TRAPPC9: variants seen among roughly 807,000 people sequenced by gnomAD.
TRAPPC9 encodes the protein IKK2 binding protein.
TRAPPC9 carries 83 observed loss-of-function variants against 124.0 expected under a neutral mutation model. That is an observed-to-expected ratio of 0.67 (90% CI 0.56 to 0.80). The LOEUF (loss-of-function observed/expected upper bound fraction) is 0.80, where lower values mean the gene tolerates loss of function less well. Ranked by LOEUF, TRAPPC9 falls within the 30% of genes least tolerant of loss-of-function variation. The pLI is 0.00. For missense variants in TRAPPC9, 1,302 were observed against 1,508.3 expected (o/e 0.86, Z 2.27); for synonymous variants, 638 against 617.5 (o/e 1.03, Z -0.49).
intron 19 of TRAPPC9, among the ~76,000 whole-genome samples, chr8:139,947,924 C>CGA (rs59675753): frequency 2.0e-3 from 170 of 83,434 alleles, no homozygotes; most frequent in Middle Eastern, 7.8e-3. Context: ...AGAGAGAGAG[C>CGA]GAGAGAGAGA....
chr8:140,402,671 G>A (rs1259942226), intron 6 of TRAPPC9, among the ~76,000 whole-genome samples: 1 of 151,618 alleles, frequency 6.6e-6, no homozygotes, highest in Non-Finnish European at 1.5e-5. Context: ...ACTCCAGCCT[G>A]GGCAACAGAA....
intron 17 of TRAPPC9, among the ~76,000 whole-genome samples, chr8:140,177,891 C>T (rs1475354733): frequency 2.0e-5 from 3 of 151,676 alleles, no homozygotes; most frequent in African/African-American, 7.3e-5. Flanking sequence ...TAAATTTATC[C>T]CCAAGTATAT....
intron 21 of TRAPPC9, among the ~76,000 whole-genome samples, chr8:139,785,816 G>C (rs965129551): frequency 6.6e-6 from 1 of 152,108 alleles, no homozygotes; most frequent in Non-Finnish European, 1.5e-5. Flanking sequence ...AGAATGAAAA[G>C]ACAAGTTACA....
chr8:140,044,551 C>T (rs1841468265), intron 17 of TRAPPC9, among the ~76,000 whole-genome samples: 1 of 152,234 alleles, frequency 6.6e-6, no homozygotes, highest in South Asian at 2.1e-4. Flanking sequence ...CAGGCCCCAC[C>T]CATGAGCATT....
intron 21 of TRAPPC9, among the ~76,000 whole-genome samples, chr8:139,852,117 G>A (rs747755877): frequency 8.5e-5 from 13 of 152,148 alleles, no homozygotes; most frequent in Non-Finnish European, 1.5e-4. Flanking sequence ...TGATTATAAG[G>A]AGCTTTCCTA....
intron 21 of TRAPPC9, among the ~76,000 whole-genome samples, chr8:139,798,870 G>C (rs762696815): frequency 3.0e-4 from 45 of 152,130 alleles, no homozygotes; most frequent in Non-Finnish European, 4.9e-4. Context: ...CAGAACCACC[G>C]GGCCGAGTCA....
chr8:139,974,430 C>T (rs1454967470), intron 19 of TRAPPC9, among the ~76,000 whole-genome samples: 1 of 152,214 alleles, frequency 6.6e-6, no homozygotes, highest in Non-Finnish European at 1.5e-5. Context: ...AAGACCCCAC[C>T]ACTGATTACA....
At chr8:139,826,679 C>G (rs889017959) in intron 21 of TRAPPC9, among the ~76,000 whole-genome samples, 3 of 152,098 alleles carry the variant, frequency 2.0e-5, no homozygotes, top group South Asian at 2.1e-4. Context: ...GGCTCTGGCT[C>G]GTGTGAAAGG....
At chr8:139,795,933 C>T (rs913651087) in intron 21 of TRAPPC9, among the ~76,000 whole-genome samples, 5 of 152,000 alleles carry the variant, frequency 3.3e-5, no homozygotes, top group South Asian at 4.1e-4. Context: ...CAGGAGAAGG[C>T]GGCCAAACTC....
intron 17 of TRAPPC9, among the ~76,000 whole-genome samples, chr8:140,071,413 G>C (rs1349698814): frequency 6.6e-6 from 1 of 152,228 alleles, no homozygotes; most frequent in East Asian, 1.9e-4. Flanking sequence ...TGTGGGCAAG[G>C]AGACTGGCAG....
chr8:139,889,500 G>T (rs1830205568), intron 20 of TRAPPC9, among the ~76,000 whole-genome samples: 1 of 152,206 alleles, frequency 6.6e-6, no homozygotes, highest in Non-Finnish European at 1.5e-5. Context: ...ACAAGGAATG[G>T]GAGGGAGTGT....
At chr8:140,298,026 C>T (rs538271347) in intron 11 of TRAPPC9, among the ~76,000 whole-genome samples, 4 of 152,240 alleles carry the variant, frequency 2.6e-5, no homozygotes, top group African/African-American at 7.2e-5. Flanking sequence ...TTCTAAAAGT[C>T]GTTTCTCTAA....
chr8:140,354,033 C>T (rs759808287), intron 9 of TRAPPC9, among the ~76,000 whole-genome samples: 10 of 152,166 alleles, frequency 6.6e-5, no homozygotes, highest in Non-Finnish European at 1.5e-4. Context: ...GTAATGGAAA[C>T]GGCATGTACG....
intron 17 of TRAPPC9, among the ~76,000 whole-genome samples, chr8:140,032,861 G>A (rs937786206): frequency 6.6e-6 from 1 of 152,186 alleles, no homozygotes; most frequent in Non-Finnish European, 1.5e-5. Flanking sequence ...ATGCTTGAGA[G>A]AGCACTTCTT....
At chr8:139,909,479 A>C (rs922322712) in intron 20 of TRAPPC9, among the ~76,000 whole-genome samples, 1 of 152,198 alleles carries the variant, frequency 6.6e-6, no homozygotes, top group Non-Finnish European at 1.5e-5. Flanking sequence ...AAACAACTGC[A>C]TGGAGACCTT....
At chr8:140,130,420 T>C (rs1408364690) in intron 17 of TRAPPC9, among the ~76,000 whole-genome samples, 2 of 152,276 alleles carry the variant, frequency 1.3e-5, no homozygotes, top group African/African-American at 2.4e-5. Flanking sequence ...CATCATTCTG[T>C]AGTATTCCTG....
chr8:140,402,985 AT>A (rs2132415256), intron 6 of TRAPPC9, among the ~76,000 whole-genome samples: 1 of 152,340 alleles, frequency 6.6e-6, no homozygotes, highest in South Asian at 2.1e-4. Flanking sequence ...AATATTTTAA[AT>A]GCTAATAACG....
At chr8:140,374,523 T>C (rs915868282) in intron 7 of TRAPPC9, among the ~76,000 whole-genome samples, 1 of 151,750 alleles carries the variant, frequency 6.6e-6, no homozygotes, top group African/African-American at 2.4e-5. Context: ...TGAGCCAAGA[T>C]TGTGCCATTA....
chr8:140,227,731 G>GC (rs1443668745), intron 16 of TRAPPC9, among the ~76,000 whole-genome samples: 2 of 152,182 alleles, frequency 1.3e-5, no homozygotes, highest in East Asian at 3.8e-4. Flanking sequence ...AGGGCCAAGG[G>GC]CCACGTCCGT....
Sources: allele counts gnomAD v4.1 joint callset (sites outside exome capture counted in the v4.1 genomes callset), GRCh38; gene constraint gnomAD v4.1.1; transcripts MANE v1.5; gene names NCBI Gene and HGNC (gene_info 2026-07-23, HGNC 2026-07-21).